Variants in FAM25A observed in about 807,000 individuals in gnomAD.
FAM25A encodes the protein family with sequence similarity 25 member A.
Under a neutral mutation model 6.6 loss-of-function variants are expected in FAM25A, and 5 were observed. The ratio of observed to expected loss-of-function variants is 0.75; its 90% CI spans 0.39 to 1.59. FAM25A has a LOEUF of 1.59. Among genes scored for constraint, FAM25A ranks in the 40% most tolerant of loss-of-function variants. The probability of loss-of-function intolerance (pLI) is 0.02; values close to 1 mark genes in which losing one functional copy is unlikely to be tolerated. For synonymous variants in FAM25A, 36 were observed against 41.3 expected (o/e 0.87, Z 0.49); for missense variants, 93 against 109.7 (o/e 0.85, Z 0.68).
intron 1 of FAM25A, among the ~76,000 whole-genome samples, chr10:87,020,792 C>T (rs1487659226): frequency 6.6e-6 from 1 of 152,234 alleles, no homozygotes; most frequent in Non-Finnish European, 1.5e-5. Flanking sequence ...AGGGCATTTT[C>T]AATTTCATCC....
intron 2 of FAM25A, among the ~76,000 whole-genome samples, chr10:87,022,583 G>C (rs891409772): frequency 6.6e-6 from 1 of 152,224 alleles, no homozygotes; most frequent in Non-Finnish European, 1.5e-5. Context: ...TCTGTCTGTG[G>C]AATAAGAAGA....
At chr10:87,022,249 C>A (rs575256142) in intron 1 of FAM25A, 65 bp from the exon 2 acceptor site, 13 of 1,542,366 alleles carry the variant, frequency 8.4e-6, no homozygotes, top group Non-Finnish European at 1.1e-5. Flanking sequence ...TGAGCCCTCA[C>A]CCTGGACTGG....
intron 1 of FAM25A, among the ~76,000 whole-genome samples, chr10:87,021,090 A>G (rs1391165990): frequency 6.6e-6 from 1 of 152,186 alleles, no homozygotes; most frequent in Non-Finnish European, 1.5e-5. Flanking sequence ...GGCCTCCCAA[A>G]GTGCTGGGAT....
At chr10:87,023,782 G>A (rs1845353796) in intron 2 of FAM25A, among the ~76,000 whole-genome samples, 1 of 151,774 alleles carries the variant, frequency 6.6e-6, no homozygotes, top group Non-Finnish European at 1.5e-5. Flanking sequence ...TCACACTCCT[G>A]GAGGATGGGA....
chr10:87,021,344 G>A (rs2133756106), intron 1 of FAM25A, among the ~76,000 whole-genome samples: 1 of 152,324 alleles, frequency 6.6e-6, no homozygotes, highest in East Asian at 1.9e-4. Context: ...TTCCTGTTGG[G>A]AGAAAAGCTG....
intron 2 of FAM25A, among the ~76,000 whole-genome samples, chr10:87,023,515 G>T (rs1845349470): frequency 6.6e-6 from 1 of 152,194 alleles, no homozygotes; most frequent in Non-Finnish European, 1.5e-5. Context: ...GAGGTCAGGA[G>T]TTCAAGACCA....
intron 1 of FAM25A, among the ~76,000 whole-genome samples, chr10:87,021,463 G>A (rs934084283): frequency 4.6e-5 from 7 of 152,116 alleles, no homozygotes; most frequent in Non-Finnish European, 1.0e-4. Context: ...TTGATACACC[G>A]TTTCCTTTCA....
intron 2 of FAM25A, 42 bp from the exon 3 acceptor site, chr10:87,024,499 C>T (rs748014162): frequency 3.4e-5 from 52 of 1,535,686 alleles, no homozygotes; most frequent in South Asian, 1.2e-4. Flanking sequence ...ACAAGTTCAG[C>T]GGGTGGATCA....
Position 87,020,789 on chromosome 10 carries a change from T to A in FAM25A, c.73+392T>A, listed in dbSNP as rs973603065. Among the ~76,000 whole-genome samples, 19 of 152,232 alleles carry A rather than the reference T, an allele frequency of 1.2e-4. 1 individual carries two copies. The highest frequency in any genetic ancestry group is 3.9e-4 in the African/African-American group (16 of 41,464). ...GTCTGTTCAAAGTCAAAAAGGGCAT[T>A]TTCAATTTCATCCAAGTCCCCTGAA... On this transcript the variant is annotated intron_variant, in intron 1 of 2. Transcript: ENST00000343959.
chr10:87,021,075 C>A (rs1379402023), intron 1 of FAM25A, among the ~76,000 whole-genome samples: 1 of 152,194 alleles, frequency 6.6e-6, no homozygotes, highest in Non-Finnish European at 1.5e-5. Context: ...TGATCCATTC[C>A]TCTTGGCCTC....
chr10:87,021,193 A>G (rs1845326361), intron 1 of FAM25A, among the ~76,000 whole-genome samples: 1 of 152,206 alleles, frequency 6.6e-6, no homozygotes, highest in South Asian at 2.1e-4. Flanking sequence ...GGAGCCACTC[A>G]TGGGTCATCG....
chr10:87,024,428 C>G, intron 2 of FAM25A, 113 bp from the exon 3 acceptor site: 1 of 1,489,732 alleles, frequency 6.7e-7, no homozygotes. Flanking sequence ...TTGGTCCCAT[C>G]GGGCCACTCC....
At chr10:87,023,197 G>A (rs1024816091) in intron 2 of FAM25A, among the ~76,000 whole-genome samples, 13 of 151,810 alleles carry the variant, frequency 8.6e-5, no homozygotes, top group Non-Finnish European at 1.6e-4. Flanking sequence ...CTCCAGCCTG[G>A]GCGACAGTGT....
intron 2 of FAM25A, among the ~76,000 whole-genome samples, chr10:87,024,118 T>C (rs1845356222): frequency 3.3e-5 from 5 of 150,420 alleles, no homozygotes; most frequent in Admixed American, 2.6e-4. Flanking sequence ...AAAGGAAATA[T>C]TAAGTAAATT....
chr10:87,020,380 A>G lies in FAM25A; in HGVS notation c.56A>G (p.Lys19Arg). The change falls in exon 1 of 3, where the codon AAG becomes AGG. Residue 19 changes from lysine (K) to arginine (R), a missense_variant. Coordinates refer to ENST00000343959, the MANE Select transcript of FAM25A (RefSeq NM_001146157.3). ...GAAGGCCTGGCCCACCGCACCGAGA[A>G]GGCCACCGAGGGAGCCAGTGAGGAC... ...AAEGLAHRTE[K>R]ATEGAIHAVE... The G allele has an allele frequency of 6.5e-7, 1 of 1,549,154 alleles. No individual in the cohort carries two copies.
chr10:87,023,790 G>A (rs1482859802), intron 2 of FAM25A, among the ~76,000 whole-genome samples: 2 of 152,110 alleles, frequency 1.3e-5, no homozygotes, highest in Non-Finnish European at 1.5e-5. Context: ...CTGGAGGATG[G>A]GAAGTCCAAG....
intron 1 of FAM25A, among the ~76,000 whole-genome samples, chr10:87,021,572 C>T (rs1033248388): frequency 3.3e-5 from 5 of 152,252 alleles, no homozygotes; most frequent in African/African-American, 1.2e-4. Flanking sequence ...CTCGCGATGG[C>T]GCCCCGCTCC....
intron 1 of FAM25A, 46 bp from the exon 2 acceptor site, chr10:87,022,268 C>T (rs1448897844): frequency 3.2e-5 from 49 of 1,544,798 alleles, no homozygotes; most frequent in African/African-American, 1.4e-4. Flanking sequence ...GGGAGGGCAG[C>T]GGCTCTGCTC....
chr10:87,020,805 G>C (rs1564752384), intron 1 of FAM25A, among the ~76,000 whole-genome samples: 1 of 152,280 alleles, frequency 6.6e-6, no homozygotes, highest in East Asian at 1.9e-4. Flanking sequence ...TTTCATCCAA[G>C]TCCCCTGAAG....
Sources: allele counts gnomAD v4.1 joint callset (sites outside exome capture counted in the v4.1 genomes callset), GRCh38; gene constraint gnomAD v4.1.1; transcripts MANE v1.5; gene names NCBI Gene and HGNC (gene_info 2026-07-23, HGNC 2026-07-21).